The following MRPL48 variants were observed in gnomAD, a reference collection of about 807,000 sequenced individuals.
MRPL48 encodes the protein mitochondrial ribosomal protein L48, also known as large ribosomal subunit protein mL48.
A neutral mutation model predicts 32.9 loss-of-function variants in MRPL48; 16 were observed. The observed-to-expected ratio is 0.49, with a 90% CI of 0.33 to 0.74. The LOEUF (loss-of-function observed/expected upper bound fraction) is 0.74, where lower values mean the gene tolerates loss of function less well. Ranked by LOEUF, MRPL48 falls within the 30% of genes least tolerant of loss-of-function variation. The pLI, the probability that MRPL48 is intolerant of heterozygous loss-of-function variation, is 0.02. For synonymous variants in MRPL48, 94 were observed against 89.2 expected, an observed-to-expected ratio of 1.05 and a Z score of -0.31; for missense variants, 206 against 245.3, an observed-to-expected ratio of 0.84 and a Z score of 1.07.
intron 4 of MRPL48, among the ~76,000 whole-genome samples, chr11:73,832,017 G>C (rs1948005867): frequency 7.0e-6 from 1 of 143,822 alleles, no homozygotes; most frequent in South Asian, 2.2e-4. Context: ...TTTTTCCCAA[G>C]ACCATTTAGT....
chr11:73,788,472 C>CTTTTT (rs11352308), intron 1 of MRPL48, among the ~76,000 whole-genome samples: 119 of 109,540 alleles, frequency 1.1e-3, no homozygotes, highest in Middle Eastern at 4.7e-3. Flanking sequence ...TCTTTTCTTT[C>CTTTTT]TTTTTTTTTT....
chr11:73,841,462 A>G (rs1032607918), intron 4 of MRPL48, among the ~76,000 whole-genome samples: 4 of 152,232 alleles, frequency 2.6e-5, no homozygotes, highest in Admixed American at 2.0e-4. Context: ...AGCACATGAG[A>G]AGGAAAGAAT....
chr11:73,822,793 G>GC (rs1207730459), intron 3 of MRPL48, among the ~76,000 whole-genome samples: 1 of 152,158 alleles, frequency 6.6e-6, no homozygotes, highest in Non-Finnish European at 1.5e-5. Context: ...GGGCAGTTGA[G>GC]CCAGGGAAGC....
intron 1 of MRPL48, among the ~76,000 whole-genome samples, chr11:73,798,605 T>C (rs1332890037): frequency 6.6e-6 from 1 of 152,162 alleles, no homozygotes; most frequent in East Asian, 1.9e-4. Flanking sequence ...GTTAGCAGTG[T>C]CTGAAAATGT....
At chr11:73,790,026 G>A (rs1947119396) in intron 1 of MRPL48, among the ~76,000 whole-genome samples, 1 of 151,474 alleles carries the variant, frequency 6.6e-6, no homozygotes, top group South Asian at 2.1e-4. Flanking sequence ...CTCATGAGCA[G>A]CGGGGATTAC....
chr11:73,820,174 A>G (rs1045415220), intron 3 of MRPL48, among the ~76,000 whole-genome samples: 1 of 152,134 alleles, frequency 6.6e-6, no homozygotes, highest in African/African-American at 2.4e-5. Context: ...TCAGGATGAA[A>G]TCCAAACCTT....
At chr11:73,858,357 T>A (rs1721050551) in intron 5 of MRPL48, among the ~76,000 whole-genome samples, 1 of 152,170 alleles carries the variant, frequency 6.6e-6, no homozygotes, top group Non-Finnish European at 1.5e-5. Context: ...GTGAATTAGG[T>A]ATTATTATTT....
At chr11:73,797,070 C>A (rs533993372) in intron 1 of MRPL48, among the ~76,000 whole-genome samples, 52 of 152,096 alleles carry the variant, frequency 3.4e-4, no homozygotes, top group African/African-American at 1.3e-3. Context: ...CAAAAAAAAG[C>A]AAACAAACCA....
At chr11:73,860,970 G>A (rs1948576464) in intron 6 of MRPL48, among the ~76,000 whole-genome samples, 1 of 152,074 alleles carries the variant, frequency 6.6e-6, no homozygotes, top group African/African-American at 2.4e-5. Flanking sequence ...ATGGCCTTTT[G>A]TGTCAGACTT....
intron 5 of MRPL48, among the ~76,000 whole-genome samples, chr11:73,853,980 G>A (rs1358027006): frequency 2.6e-5 from 4 of 152,154 alleles, no homozygotes; most frequent in Admixed American, 6.5e-5. Flanking sequence ...GTGAGCCACC[G>A]CGCTCGGCTG....
chr11:73,838,091 G>A (rs1948134585), intron 4 of MRPL48, among the ~76,000 whole-genome samples: 2 of 151,956 alleles, frequency 1.3e-5, no homozygotes, highest in Admixed American at 6.6e-5. Context: ...TGACCTCATG[G>A]TCCGCCTGCC....
At chr11:73,864,275 T>C (rs17132411) in intron 7 of MRPL48, 21 bp from the exon 8 acceptor site, 176,490 of 1,609,618 alleles carry the variant, frequency 0.11, 11,228 homozygotes, top group South Asian at 0.26. Flanking sequence ...TTACCGCTTA[T>C]TTTCTTTTTC....
At chr11:73,862,161 G>A (rs974868201) in intron 6 of MRPL48, among the ~76,000 whole-genome samples, 6 of 152,156 alleles carry the variant, frequency 3.9e-5, no homozygotes, top group African/African-American at 7.2e-5. Context: ...GGTGGCTGAC[G>A]CCTGTAATCC....
chr11:73,863,563 T>A (rs1374076539), intron 7 of MRPL48, among the ~76,000 whole-genome samples: 1 of 152,112 alleles, frequency 6.6e-6, no homozygotes, highest in Non-Finnish European at 1.5e-5. Context: ...AGAAAGAACA[T>A]GGGTTAAGAT....
chr11:73,800,314 TAAC>T (rs1477536641), intron 1 of MRPL48, among the ~76,000 whole-genome samples: 1 of 152,142 alleles, frequency 6.6e-6, no homozygotes, highest in Non-Finnish European at 1.5e-5. Flanking sequence ...TAAATGGTAG[TAAC>T]AATGCTATTT....
intron 3 of MRPL48, among the ~76,000 whole-genome samples, chr11:73,815,794 G>C (rs1207649775): frequency 6.6e-6 from 1 of 151,842 alleles, no homozygotes; most frequent in East Asian, 1.9e-4. Flanking sequence ...CACCATCACA[G>C]CTTACTGCAG....
At chr11:73,820,827 T>TC (rs1329755023) in intron 3 of MRPL48, among the ~76,000 whole-genome samples, 1 of 152,084 alleles carries the variant, frequency 6.6e-6, no homozygotes, top group African/African-American at 2.4e-5. Context: ...CCCCCCACTA[T>TC]CCCCCCTGGG....
At chr11:73,852,218 ATGGACCAGTGACAAT>A (rs1256597173) in intron 5 of MRPL48, among the ~76,000 whole-genome samples, 1 of 152,142 alleles carries the variant, frequency 6.6e-6, no homozygotes, top group Non-Finnish European at 1.5e-5. Context: ...CTTGTCTGTC[ATGGACCAGTGACAAT>A]TAGGCTGTTC....
intron 1 of MRPL48, among the ~76,000 whole-genome samples, chr11:73,798,578 G>A (rs890745923): frequency 6.6e-6 from 1 of 152,120 alleles, no homozygotes; most frequent in Non-Finnish European, 1.5e-5. Flanking sequence ...CTTTCTATGT[G>A]GGAGAACATT....
Sources: allele counts gnomAD v4.1 joint callset (sites outside exome capture counted in the v4.1 genomes callset), GRCh38; gene constraint gnomAD v4.1.1; transcripts MANE v1.5; gene names NCBI Gene and HGNC (gene_info 2026-07-23, HGNC 2026-07-21).